MAPK8: variants seen among roughly 807,000 people sequenced by gnomAD.
The protein encoded by MAPK8 is JUN N-terminal kinase.
In MAPK8, 13 loss-of-function variants were observed where a neutral mutation model predicts 52.9. The observed-to-expected ratio is 0.25, with a 90% confidence interval of 0.16 to 0.39. The LOEUF (loss-of-function observed/expected upper bound fraction) is 0.39, where lower values mean the gene tolerates loss of function less well. Among genes scored for constraint, MAPK8 ranks in the 10% least tolerant of loss-of-function variants. MAPK8 has a pLI of 1.00. For missense variants in MAPK8, 300 were observed against 519.2 expected (o/e 0.58, Z 4.10); for synonymous variants, 191 against 169.8 (o/e 1.12, Z -0.97).
At chr10:48,403,712 C>G (rs1049288728) in intron 2 of MAPK8, among the ~76,000 whole-genome samples, 1 of 151,836 alleles carries the variant, frequency 6.6e-6, no homozygotes, top group Non-Finnish European at 1.5e-5. Flanking sequence ...AAAGCCAGCT[C>G]TCTGTTCAGA....
intron 1 of MAPK8, among the ~76,000 whole-genome samples, chr10:48,317,449 C>T (rs1008760231): frequency 6.6e-6 from 1 of 152,192 alleles, no homozygotes; most frequent in Non-Finnish European, 1.5e-5. Context: ...AGGCGTGAGC[C>T]ACCACACCCA....
chr10:48,347,967 C>T (rs998296648), intron 1 of MAPK8, among the ~76,000 whole-genome samples: 1 of 152,188 alleles, frequency 6.6e-6, no homozygotes, highest in Admixed American at 6.5e-5. Context: ...CTTGAGGAAT[C>T]GCCAACTGTC....
At chr10:48,307,688 T>C (rs1012558787) in intron 1 of MAPK8, among the ~76,000 whole-genome samples, 7 of 152,246 alleles carry the variant, frequency 4.6e-5, no homozygotes, top group African/African-American at 1.7e-4. Context: ...TGTCCAGTGA[T>C]TACTATTTTT....
chr10:48,382,940 G>A (rs1182025035), intron 1 of MAPK8, among the ~76,000 whole-genome samples: 2 of 139,214 alleles, frequency 1.4e-5, no homozygotes, highest in African/African-American at 5.2e-5. Flanking sequence ...ATAGCTATGT[G>A]TATATATATA....
chr10:48,423,997 G>C (rs1459570879), intron 6 of MAPK8, 91 bp from the exon 7 acceptor site: 5 of 778,288 alleles, frequency 6.4e-6, no homozygotes, highest in Non-Finnish European at 1.0e-5. Context: ...GTGACGTTTT[G>C]CAGTTTTTAT....
intron 1 of MAPK8, among the ~76,000 whole-genome samples, chr10:48,344,137 A>T (rs562448762): frequency 6.6e-6 from 1 of 152,356 alleles, no homozygotes; most frequent in South Asian, 2.1e-4. Flanking sequence ...GTAAACAAAG[A>T]TCACATATTT....
At chr10:48,356,899 C>CAA (rs201368039) in intron 1 of MAPK8, among the ~76,000 whole-genome samples, 9 of 47,246 alleles carry the variant, frequency 1.9e-4, no homozygotes, top group East Asian at 7.3e-4. Flanking sequence ...CGTAGTTTAC[C>CAA]AAAAAAAAAA....
chr10:48,353,741 A>G (rs1266926164), intron 1 of MAPK8, among the ~76,000 whole-genome samples: 1 of 152,248 alleles, frequency 6.6e-6, no homozygotes, highest in Non-Finnish European at 1.5e-5. Flanking sequence ...TAAAGACATT[A>G]TGCTGAGTGA....
intron 5 of MAPK8, among the ~76,000 whole-genome samples, chr10:48,415,466 A>G (rs1394329579): frequency 1.3e-5 from 2 of 152,230 alleles, no homozygotes; most frequent in African/African-American, 4.8e-5. Flanking sequence ...AGCAATATTT[A>G]TGGTAATATG....
At chr10:48,353,917 T>C (rs1430548840) in intron 1 of MAPK8, among the ~76,000 whole-genome samples, 2 of 152,126 alleles carry the variant, frequency 1.3e-5, no homozygotes, top group African/African-American at 4.8e-5. Flanking sequence ...ATAAAGCAGG[T>C]AGTCTTTGTG....
intron 1 of MAPK8, among the ~76,000 whole-genome samples, chr10:48,398,651 A>C (rs2042009161): frequency 6.6e-6 from 1 of 152,234 alleles, no homozygotes; most frequent in Non-Finnish European, 1.5e-5. Context: ...TAAAACTGTA[A>C]ACAGTTGAAA....
At chr10:48,425,636 A>C (rs575674083) in intron 7 of MAPK8, 169 of 357,498 alleles carry the variant, frequency 4.7e-4, no homozygotes, top group Non-Finnish European at 7.5e-4. Flanking sequence ...AGAATTTGTG[A>C]GTTTAAGCTT....
chr10:48,370,031 A>G (rs1369718611), intron 1 of MAPK8, among the ~76,000 whole-genome samples: 1 of 152,278 alleles, frequency 6.6e-6, no homozygotes, highest in African/African-American at 2.4e-5. Flanking sequence ...GTTTTTATGT[A>G]TTTTTTAAAA....
intron 1 of MAPK8, among the ~76,000 whole-genome samples, chr10:48,373,111 C>T (rs986602080): frequency 1.3e-5 from 2 of 152,070 alleles, no homozygotes; most frequent in Non-Finnish European, 2.9e-5. Context: ...AATTTTCAAT[C>T]GAGAATTTCA....
At chr10:48,312,359 G>T (rs901116109) in intron 1 of MAPK8, among the ~76,000 whole-genome samples, 1 of 152,180 alleles carries the variant, frequency 6.6e-6, no homozygotes, top group Non-Finnish European at 1.5e-5. Context: ...CTGTATTGAA[G>T]CTCTTATGAT....
chr10:48,388,314 A>G (rs1265686043), intron 1 of MAPK8, among the ~76,000 whole-genome samples: 1 of 152,020 alleles, frequency 6.6e-6, no homozygotes, highest in Admixed American at 6.6e-5. Context: ...TTATGATAAA[A>G]CTTTGTTTTA....
chr10:48,398,909 T>C (rs573198551), intron 1 of MAPK8, among the ~76,000 whole-genome samples: 3 of 152,318 alleles, frequency 2.0e-5, no homozygotes, highest in African/African-American at 7.2e-5. Context: ...GGGAATGTTT[T>C]ATATCATGAT....
intron 1 of MAPK8, among the ~76,000 whole-genome samples, chr10:48,327,832 TTTTC>T (rs1843683110): frequency 6.6e-6 from 1 of 152,228 alleles, no homozygotes; most frequent in African/African-American, 2.4e-5. Flanking sequence ...GGTTATCTGT[TTTTC>T]TTTGTGAGAA....
At chr10:48,391,187 CA>C (rs1363348925) in intron 1 of MAPK8, among the ~76,000 whole-genome samples, 3 of 152,258 alleles carry the variant, frequency 2.0e-5, no homozygotes, top group African/African-American at 4.8e-5. Flanking sequence ...GGAGTAGTAA[CA>C]GGTGAGATTT....
Sources: gnomAD v4.1 joint callset for allele counts (sites outside exome capture counted in the v4.1 genomes callset) on GRCh38, gnomAD v4.1.1 for gene constraint, MANE v1.5 for transcripts, NCBI Gene and HGNC (gene_info 2026-07-23, HGNC 2026-07-21) for gene names.